FAM13B: variants seen among roughly 807,000 people sequenced by gnomAD.
FAM13B encodes the protein family with sequence similarity 13 member B.
In FAM13B, 60 loss-of-function variants were observed where a neutral mutation model predicts 117.3. The observed-to-expected ratio is 0.51, with a 90% CI of 0.42 to 0.63. The LOEUF (loss-of-function observed/expected upper bound fraction) is 0.63. Among genes scored for constraint, FAM13B ranks in the 30% least tolerant of loss-of-function variants. The probability of loss-of-function intolerance (pLI) is 0.00; values close to 1 mark genes in which losing one functional copy is unlikely to be tolerated. For synonymous variants in FAM13B, 332 were observed against 356.1 expected (o/e 0.93, Z 0.76); for missense variants, 972 against 1,091.9 (o/e 0.89, Z 1.55).
intron 4 of FAM13B, among the ~76,000 whole-genome samples, chr5:138,014,309 G>A (rs1344009438): frequency 1.3e-5 from 2 of 152,200 alleles, no homozygotes; most frequent in Admixed American, 6.5e-5. Flanking sequence ...GTCCCCAGCC[G>A]GGGCTGCAGA....
At chr5:138,017,921 C>A (rs1331645955) in intron 4 of FAM13B, among the ~76,000 whole-genome samples, 1 of 152,166 alleles carries the variant, frequency 6.6e-6, no homozygotes, top group African/African-American at 2.4e-5. Flanking sequence ...GGATAAGTAA[C>A]CCTAATAGTG....
intron 6 of FAM13B, 29 bp downstream of exon 6, chr5:138,010,979 A>AAAC: frequency 1.4e-6 from 2 of 1,470,832 alleles, no homozygotes; most frequent in Non-Finnish European, 1.8e-6. Context: ...AAAAAAAAAA[A>AAAC]ATTATCCCTC....
chr5:137,965,779 A>G (rs1444659367), intron 10 of FAM13B, among the ~76,000 whole-genome samples: 1 of 152,194 alleles, frequency 6.6e-6, no homozygotes, highest in Non-Finnish European at 1.5e-5. Context: ...GTTTATAAAT[A>G]CTTCTGGCCT....
At chr5:138,036,611 A>G (rs1393697823), upstream of FAM13B, 3 of 456,574 alleles carry the variant, frequency 6.6e-6, no homozygotes, top group Admixed American at 4.7e-5. Context: ...CTCCAAAGAC[A>G]TTGTCCTCAA....
intron 10 of FAM13B, among the ~76,000 whole-genome samples, chr5:137,983,060 G>A (rs1776215818): frequency 6.6e-6 from 1 of 151,656 alleles, no homozygotes; most frequent in Non-Finnish European, 1.5e-5. Context: ...GATTACCAAG[G>A]AAGTGAATAA....
intron 1 of FAM13B, among the ~76,000 whole-genome samples, chr5:138,051,608 G>A (rs1791802678): frequency 6.6e-6 from 1 of 152,154 alleles, no homozygotes; most frequent in Non-Finnish European, 1.5e-5. Flanking sequence ...TCCATTGCCT[G>A]TTTTTCTGAT....
In FAM13B at chr5:137,962,486, T is replaced by C. The variant is rs2150309545; in HGVS notation, c.1180-17A>G. On this transcript the variant is annotated splice_polypyrimidine_tract_variant and intron_variant, in intron 10 of 23. Coordinates refer to ENST00000689681, the MANE Select transcript of FAM13B (RefSeq NM_001385994.1). ...ACCTACAGACTGACAAAAAGAACAC[T>C]ACCATGTATTAATGGAGCTCCCAAT... 1 of 1,607,788 alleles carries C rather than the reference T, an allele frequency of 6.2e-7. No individual in the cohort carries two copies. Among genetic ancestry groups the C allele is most frequent in the Non-Finnish European group, 8.5e-7 (1 of 1,176,914 alleles).
At chr5:137,949,237 G>A (rs1039062317) in intron 17 of FAM13B, 53 bp from the exon 18 acceptor site, 19 of 1,404,464 alleles carry the variant, frequency 1.4e-5, no homozygotes, top group East Asian at 1.1e-4. Flanking sequence ...AGCTTTGACC[G>A]GGTCAAAGAA....
chr5:138,026,875 G>T (rs759207366), intron 1 of FAM13B, among the ~76,000 whole-genome samples: 13 of 150,876 alleles, frequency 8.6e-5, no homozygotes, highest in Admixed American at 5.3e-4. Flanking sequence ...GGAGGCGGAG[G>T]TTACAGTGAG....
chr5:138,026,937 TCAAA>T (rs1410787460), intron 1 of FAM13B, among the ~76,000 whole-genome samples: 5 of 119,846 alleles, frequency 4.2e-5, no homozygotes, highest in Admixed American at 1.7e-4. Flanking sequence ...AGACTCCATC[TCAAA>T]TAAATAAATA....
At position 137,967,911 on chromosome 5, in the gene FAM13B, G is replaced by T. The variant is rs577895073; in HGVS notation, c.1180-5442C>A. 1.1e-4 allele frequency among the ~76,000 whole-genome samples: 16 copies of T among 151,684 alleles called. No individual in the cohort carries two copies. The South Asian group carries it at 3.3e-3, about 32-fold the overall frequency. On this transcript the variant is annotated intron_variant, in intron 10 of 23. Transcript: ENST00000689681. ...CCTGTCTCAAAAAATAGAATAAAAA[G>T]ACTTAACATTTCTATAAAAATGTCA...
chr5:138,007,498 A>G (rs1204743874), intron 6 of FAM13B, among the ~76,000 whole-genome samples: 1 of 152,240 alleles, frequency 6.6e-6, no homozygotes, highest in Non-Finnish European at 1.5e-5. Context: ...AACACTTACA[A>G]CAGACTTTTA....
At chr5:138,014,039 C>T (rs1015556736) in intron 4 of FAM13B, among the ~76,000 whole-genome samples, 16 of 152,136 alleles carry the variant, frequency 1.1e-4, no homozygotes, top group Non-Finnish European at 2.1e-4. Context: ...CAGGCCCAAG[C>T]GATCCTCCCA....
chr5:138,024,832 GAGAA>G (rs1439046798), intron 1 of FAM13B, among the ~76,000 whole-genome samples: 8 of 127,210 alleles, frequency 6.3e-5, no homozygotes, highest in South Asian at 2.6e-4. Context: ...GAGAGAGAGA[GAGAA>G]AGAGAGAGAG....
intron 18 of FAM13B, among the ~76,000 whole-genome samples, chr5:137,947,254 T>TA (rs1186111121): frequency 2.0e-5 from 3 of 151,932 alleles, no homozygotes; most frequent in African/African-American, 7.2e-5. Flanking sequence ...AATTGAAGAT[T>TA]AAAAAAAAAT....
At chr5:137,991,981 G>A (rs1778707340) in intron 7 of FAM13B, among the ~76,000 whole-genome samples, 3 of 152,026 alleles carry the variant, frequency 2.0e-5, no homozygotes, top group African/African-American at 7.3e-5. Context: ...GAGTGCAGTG[G>A]CACAAACAAA....
chr5:138,004,532 G>A lies in FAM13B; in HGVS notation c.848+2458C>T, dbSNP rs115195488. Among the ~76,000 whole-genome samples, 1,517 of 152,268 alleles carry A rather than the reference G, an allele frequency of 1.0e-2. 29 individuals carry two copies. The highest frequency in any genetic ancestry group is 0.034 in the African/African-American group (1,420 of 41,562). Reference sequence around the variant, plus strand: ...CCAACATGATAGTCACTTGCCACACGTGTGGCTACTGAGCACTTGAAATGT... The same window carrying A: ...CCAACATGATAGTCACTTGCCACACATGTGGCTACTGAGCACTTGAAATGT... On this transcript the variant is annotated intron_variant, in intron 7 of 23. Coordinates refer to ENST00000689681, the MANE Select transcript of FAM13B (RefSeq NM_001385994.1).
At chr5:138,041,821 G>A (rs1791509576) in intron 1 of FAM13B, among the ~76,000 whole-genome samples, 2 of 151,474 alleles carry the variant, frequency 1.3e-5, no homozygotes, top group South Asian at 4.2e-4. Flanking sequence ...AGAATCACCT[G>A]AACCTGGTAA....
At chr5:137,951,292 G>A (rs1764957740) in intron 17 of FAM13B, among the ~76,000 whole-genome samples, 1 of 150,752 alleles carries the variant, frequency 6.6e-6, no homozygotes, top group African/African-American at 2.4e-5. Flanking sequence ...CATGACAGCA[G>A]GGACTCTGTC....
Sources: gnomAD v4.1 joint callset for allele counts (sites outside exome capture counted in the v4.1 genomes callset) on GRCh38, gnomAD v4.1.1 for gene constraint, MANE v1.5 for transcripts, NCBI Gene and HGNC (gene_info 2026-07-23, HGNC 2026-07-21) for gene names.